ACMSD: variants seen among roughly 807,000 people sequenced by gnomAD.
The protein encoded by ACMSD is 2-amino-3-carboxymuconate-6-semialdehyde decarboxylase.
A neutral mutation model predicts 45.9 loss-of-function variants in ACMSD; 37 were observed. That is an observed-to-expected ratio of 0.81 (90% CI 0.62 to 1.06). ACMSD has a LOEUF of 1.06. ACMSD is among the 50% of genes least tolerant of loss of function. The pLI is 0.00. For missense variants in ACMSD, 434 were observed against 420.9 expected (o/e 1.03, Z -0.27); for synonymous variants, 138 against 148.8 (o/e 0.93, Z 0.53).
chr2:134,866,526 C>T (rs1472380935), intron 5 of ACMSD, among the ~76,000 whole-genome samples: 1 of 152,172 alleles, frequency 6.6e-6, no homozygotes, highest in Non-Finnish European at 1.5e-5. Context: ...AATTAAAAGT[C>T]CTTTCTTCAA....
chr2:134,889,358 C>T (rs1455121095), intron 8 of ACMSD, among the ~76,000 whole-genome samples: 1 of 151,962 alleles, frequency 6.6e-6, no homozygotes, highest in Non-Finnish European at 1.5e-5. Flanking sequence ...TACCATTTTC[C>T]ATCAAAGGAA....
chr2:134,886,246 ATTTTTT>A (rs756206850), intron 8 of ACMSD, among the ~76,000 whole-genome samples: 3 of 115,476 alleles, frequency 2.6e-5, no homozygotes, highest in Non-Finnish European at 5.3e-5. Context: ...TATTATTATT[ATTTTTT>A]TTTTTTTTTT....
chr2:134,860,265 A>G (rs74265410), intron 3 of ACMSD, among the ~76,000 whole-genome samples: 6,449 of 152,260 alleles, frequency 0.042, 314 homozygotes, highest in East Asian at 0.13. Context: ...TCTGTCTCAA[A>G]ACAAAACAAA....
chr2:134,864,560 T>C (rs1346464236), intron 5 of ACMSD, among the ~76,000 whole-genome samples: 1 of 152,194 alleles, frequency 6.6e-6, no homozygotes, highest in East Asian at 1.9e-4. Flanking sequence ...GATTTTTAAA[T>C]AACTGCAGAA....
chr2:134,871,840 A>G (rs532837557), intron 7 of ACMSD, among the ~76,000 whole-genome samples: 32 of 152,202 alleles, frequency 2.1e-4, no homozygotes, highest in African/African-American at 7.5e-4. Context: ...CTTATATTTC[A>G]TGGATATGCC....
chr2:134,859,465 T>C (rs1368429658), intron 3 of ACMSD, 108 bp downstream of exon 3: 7 of 1,031,762 alleles, frequency 6.8e-6, no homozygotes, highest in Non-Finnish European at 1.0e-5. Context: ...CCCTTTTCTC[T>C]GCCAGGACAG....
In ACMSD at chr2:134,871,050, C is replaced by T. The variant is rs542848101; in HGVS notation, c.666C>T (p.Phe222=). ...FEKFPKLKVC[F]AHGGGAFPFT... ...AGTTTCCCAAACTGAAAGTGTGTTT[C>T]GCACATGGTGGTAAGACCCTATCTT... The change falls in exon 7 of 10, where the codon TTC becomes TTT. Residue 222 remains phenylalanine, a synonymous_variant. Coordinates refer to ENST00000356140, the MANE Select transcript of ACMSD (RefSeq NM_138326.3). 4.2e-5 allele frequency: 67 copies of T among 1,613,916 alleles called. No homozygotes were observed. The highest frequency in any genetic ancestry group is 4.0e-4 in the East Asian group (18 of 44,872).
At chr2:134,863,751 C>T (rs974323062) in intron 5 of ACMSD, 120 bp downstream of exon 5, 16 of 1,005,802 alleles carry the variant, frequency 1.6e-5, no homozygotes, top group African/African-American at 4.8e-5. Context: ...GCGGTGTCCA[C>T]GACTTGTTTG....
At chr2:134,853,788 A>G (rs567736838) in intron 2 of ACMSD, among the ~76,000 whole-genome samples, 1 of 152,222 alleles carries the variant, frequency 6.6e-6, no homozygotes, top group South Asian at 2.1e-4. Context: ...AGTTCTACCG[A>G]CTTGCTACCG....
intron 1 of ACMSD, among the ~76,000 whole-genome samples, chr2:134,842,632 CCACCGTCACCAT>C (rs1253417494): frequency 2.6e-5 from 4 of 152,184 alleles, no homozygotes; most frequent in Non-Finnish European, 5.9e-5. Flanking sequence ...CCCATCATCA[CCACCGTCACCAT>C]CAGCATCATT....
chr2:134,867,571 C>T lies in ACMSD; in HGVS notation c.487-8C>T. 1 of 1,612,860 alleles carries T rather than the reference C, an allele frequency of 6.2e-7. No individual in the cohort carries two copies. The highest frequency in any genetic ancestry group is 1.1e-5 in the South Asian group (1 of 90,970). On this transcript the variant is annotated splice_polypyrimidine_tract_variant and splice_region_variant and intron_variant, in intron 5 of 9. Coordinates refer to ENST00000356140, the MANE Select transcript of ACMSD (RefSeq NM_138326.3). ...ACCCTCTCTCTCTCTCTCATTGCTT[C>T]TTTGAAGGCAGCCGAAAGGCTGAAG... is the stretch of plus-strand genomic sequence containing the variant.
chr2:134,870,351 G>C lies in ACMSD; in HGVS notation c.581-614G>C, dbSNP rs572278499. On this transcript the variant is annotated intron_variant, in intron 6 of 9. Coordinates refer to ENST00000356140, the MANE Select transcript of ACMSD (RefSeq NM_138326.3). Reference sequence around the variant, plus strand: ...TTTTGCAGGAATGACCATAATGATAGTTAATATTTAGTGAGCCCTTACTAA... The same window carrying C: ...TTTTGCAGGAATGACCATAATGATACTTAATATTTAGTGAGCCCTTACTAA... Among the ~76,000 whole-genome samples, 243 of 152,306 alleles carry C rather than the reference G, an allele frequency of 1.6e-3. 1 individual carries two copies. The highest frequency in any genetic ancestry group is 2.9e-3 in the Admixed American group (45 of 15,286).
intron 8 of ACMSD, among the ~76,000 whole-genome samples, chr2:134,877,297 A>C (rs1688787713): frequency 6.6e-6 from 1 of 152,226 alleles, no homozygotes; most frequent in South Asian, 2.1e-4. Flanking sequence ...TCATTATGTG[A>C]TGCATGACTG....
chr2:134,847,427 GATAGATAGATAGATAGATAGATAT>G (rs1211993942), intron 2 of ACMSD, among the ~76,000 whole-genome samples: 4 of 151,380 alleles, frequency 2.6e-5, no homozygotes, highest in African/African-American at 9.8e-5. Flanking sequence ...TAGATAGATA[GATAGATAGATAGATAGATAGATAT>G]AGATAGAGAT....
intron 6 of ACMSD, among the ~76,000 whole-genome samples, chr2:134,868,673 A>C (rs1688259017): frequency 6.6e-6 from 1 of 151,718 alleles, no homozygotes; most frequent in South Asian, 2.1e-4. Flanking sequence ...GGCTGCTCTC[A>C]AATTCTTGGC....
At chr2:134,866,200 A>T (rs1432866973) in intron 5 of ACMSD, among the ~76,000 whole-genome samples, 1 of 152,176 alleles carries the variant, frequency 6.6e-6, no homozygotes, top group Non-Finnish European at 1.5e-5. Context: ...TGATAAAATA[A>T]TCTGTATGCC....
intron 4 of ACMSD, chr2:134,862,966 G>A (rs1687916681): frequency 2.0e-6 from 2 of 985,454 alleles, no homozygotes; most frequent in Non-Finnish European, 2.4e-6. Context: ...ACAAGTCAGT[G>A]AGCCAGCCTG....
Position 134,872,639 on chromosome 2 carries a change from A to C in ACMSD, c.847A>C (p.Lys283Gln). The C allele has an allele frequency of 6.2e-7, 1 of 1,614,164 alleles. No individual in the cohort carries two copies. The highest frequency in any genetic ancestry group is 8.5e-7 in the Non-Finnish European group (1 of 1,180,026). Reference protein sequence around the residue: ...SLKLLTDVIGKDKVILGTDYP... With the variant: ...SLKLLTDVIGQDKVILGTDYP... Reference sequence around the variant, plus strand: ...CAAGCTGTTAACAGATGTCATAGGAAAGGTAAGCCCAGTCTGCCACTTGGA... The same window carrying C: ...CAAGCTGTTAACAGATGTCATAGGACAGGTAAGCCCAGTCTGCCACTTGGA... Residue 283 changes from lysine to glutamine, a missense_variant and splice_region_variant, in exon 8 of 10, where the codon AAG becomes CAG. Physicochemically the swap from Lys to Gln is moderately conservative, Grantham distance 53 (BLOSUM62 1). Coordinates refer to ENST00000356140, the MANE Select transcript of ACMSD (RefSeq NM_138326.3).
intron 8 of ACMSD, among the ~76,000 whole-genome samples, chr2:134,881,522 C>T (rs1157354269): frequency 6.6e-6 from 1 of 152,080 alleles, no homozygotes; most frequent in Non-Finnish European, 1.5e-5. Flanking sequence ...CTTCACCATC[C>T]CCCTTCTGTA....
Sources: gnomAD v4.1 joint callset for allele counts (sites outside exome capture counted in the v4.1 genomes callset) on GRCh38, gnomAD v4.1.1 for gene constraint, MANE v1.5 for transcripts, NCBI Gene and HGNC (gene_info 2026-07-23, HGNC 2026-07-21) for gene names.